The following C5 variants were observed in gnomAD, a reference collection of about 807,000 sequenced individuals.
C5 encodes the protein C3 and PZP-like alpha-2-macroglobulin domain-containing protein 4.
In C5, 140 loss-of-function variants were observed where a neutral mutation model predicts 218.8. The observed-to-expected ratio is 0.64, with a 90% CI of 0.56 to 0.74. The LOEUF is 0.74. Ranked by LOEUF, C5 falls within the 30% of genes least tolerant of loss-of-function variation. The pLI is 0.00. For synonymous variants in C5, 614 were observed against 682.3 expected (o/e 0.90, Z 1.56); for missense variants, 1,700 against 1,969.6 (o/e 0.86, Z 2.59).
At chr9:120,972,521 C>T (rs1455575989) in intron 30 of C5, among the ~76,000 whole-genome samples, 1 of 152,150 alleles carries the variant, frequency 6.6e-6, no homozygotes, top group Non-Finnish European at 1.5e-5. Context: ...CCTTTGTTTG[C>T]AGAAACCCCT....
chr9:121,027,015 C>T (rs1011002938), intron 8 of C5, 145 bp downstream of exon 8: 5 of 669,350 alleles, frequency 7.5e-6, no homozygotes, highest in Non-Finnish European at 1.4e-5. Context: ...GAACTTTACC[C>T]TAAAGGCAAA....
At chr9:120,996,817 C>A (rs2047119899) in intron 21 of C5, among the ~76,000 whole-genome samples, 1 of 152,044 alleles carries the variant, frequency 6.6e-6, no homozygotes, top group Non-Finnish European at 1.5e-5. Flanking sequence ...GAGTGAAGAG[C>A]CAGGAAATCC....
In C5 at chr9:120,953,160, G is replaced by A. The variant is rs41313641; in HGVS notation, c.4902-292C>T. Among the ~76,000 whole-genome samples, 1,358 of 152,258 alleles carry A rather than the reference G, an allele frequency of 8.9e-3. 22 individuals carry two copies. The highest frequency in any genetic ancestry group is 0.031 in the African/African-American group (1,291 of 41,544). ...ACGATGGTCTCGATCTCCTGACCTT[G>A]TGATCTGCCCGTCTTGGCCTCCCAT... On this transcript the variant is annotated intron_variant, in intron 40 of 40. Transcript: ENST00000223642.
chr9:121,035,607 T>C (rs2047517591), intron 4 of C5, among the ~76,000 whole-genome samples: 1 of 152,118 alleles, frequency 6.6e-6, no homozygotes, highest in South Asian at 2.1e-4. Flanking sequence ...TCTTGCTCTG[T>C]GATCCAGGCT....
At chr9:121,018,889 A>T (rs1392327584) in intron 12 of C5, among the ~76,000 whole-genome samples, 1 of 152,154 alleles carries the variant, frequency 6.6e-6, no homozygotes, top group African/African-American at 2.4e-5. Flanking sequence ...TACATCAATA[A>T]GAGGAATATT....
intron 4 of C5, among the ~76,000 whole-genome samples, chr9:121,035,301 C>T (rs2047514822): frequency 6.6e-6 from 1 of 152,172 alleles, no homozygotes; most frequent in Non-Finnish European, 1.5e-5. Flanking sequence ...TCATTTAAAG[C>T]TTTCAAAAGC....
At chr9:120,966,752 G>A (rs1051463155) in intron 33 of C5, among the ~76,000 whole-genome samples, 2 of 152,152 alleles carry the variant, frequency 1.3e-5, no homozygotes, top group African/African-American at 2.4e-5. Context: ...ATGTTTGAGC[G>A]GGAACAGAGA....
At chr9:121,061,735 G>A in the C5 span, among the ~76,000 whole-genome samples, 2 of 152,182 alleles carry the variant, frequency 1.3e-5, no homozygotes, top group Non-Finnish European at 2.9e-5. Context: ...TCACTTGCAT[G>A]TGCAATTGCC....
intron 20 of C5, among the ~76,000 whole-genome samples, chr9:121,005,557 T>A (rs1297372646): frequency 6.6e-6 from 1 of 152,100 alleles, no homozygotes; most frequent in East Asian, 1.9e-4. Flanking sequence ...AAGATGAGTA[T>A]GAATGGCTAA....
At chr9:121,034,407 T>A (rs1368772733) in intron 5 of C5, among the ~76,000 whole-genome samples, 1 of 152,222 alleles carries the variant, frequency 6.6e-6, no homozygotes, top group Non-Finnish European at 1.5e-5. Context: ...TCCTTCCCTC[T>A]TGGACTTTGC....
At chr9:120,964,785 T>C (rs1474202377) in intron 33 of C5, among the ~76,000 whole-genome samples, 1 of 152,234 alleles carries the variant, frequency 6.6e-6, no homozygotes, top group East Asian at 1.9e-4. Context: ...CCACAAATCA[T>C]TTCCCCTTTC....
At chr9:121,030,670 C>T (rs909728044) in intron 6 of C5, among the ~76,000 whole-genome samples, 183 bp from the exon 7 acceptor site, 1 of 152,140 alleles carries the variant, frequency 6.6e-6, no homozygotes, top group African/African-American at 2.4e-5. Flanking sequence ...CAGAACCTTC[C>T]CACTCCAACA....
intron 39 of C5, among the ~76,000 whole-genome samples, chr9:120,956,358 T>C (rs1345559874): frequency 1.3e-5 from 2 of 151,828 alleles, no homozygotes; most frequent in East Asian, 1.9e-4. Context: ...GGAATACAGC[T>C]AACTAGGGAG....
intron 32 of C5, 79 bp from the exon 33 acceptor site, chr9:120,969,197 G>GA: frequency 8.9e-7 from 1 of 1,124,868 alleles, no homozygotes; most frequent in Non-Finnish European, 1.4e-6. Flanking sequence ...TGTCAGAACA[G>GA]AATCATTAAT....
chr9:121,018,733 GAAGGAAGGA>G (rs1486019897), intron 12 of C5, among the ~76,000 whole-genome samples: 5 of 79,634 alleles, frequency 6.3e-5, no homozygotes, highest in Non-Finnish European at 1.1e-4. Context: ...AAGAAGGAAG[GAAGGAAGGA>G]AAGGAAGGAA....
intron 27 of C5, among the ~76,000 whole-genome samples, chr9:120,980,758 A>ATTT (rs41311923): frequency 6.9e-6 from 1 of 145,080 alleles, no homozygotes; most frequent in African/African-American, 2.5e-5. Flanking sequence ...CGCCCGGCTA[A>ATTT]TTTTTTTTTT....
chr9:120,977,874 G>A (rs2046964846), intron 28 of C5, among the ~76,000 whole-genome samples: 1 of 152,076 alleles, frequency 6.6e-6, no homozygotes, highest in Admixed American at 6.5e-5. Context: ...CTTTAGTTCT[G>A]TGTGACTCAA....
At chr9:121,002,794 T>C (rs1278537322) in intron 20 of C5, among the ~76,000 whole-genome samples, 2 of 152,124 alleles carry the variant, frequency 1.3e-5, no homozygotes, top group Non-Finnish European at 2.9e-5. Flanking sequence ...AAAGAAATAA[T>C]GTAAAGGCAA....
At chr9:121,065,311 A>AAT in the C5 span, among the ~76,000 whole-genome samples, 3 of 152,188 alleles carry the variant, frequency 2.0e-5, no homozygotes, top group Admixed American at 6.5e-5. Flanking sequence ...ATCTACAGCC[A>AAT]ATATATTTTT....
Sources: allele counts gnomAD v4.1 joint callset (sites outside exome capture counted in the v4.1 genomes callset), GRCh38; gene constraint gnomAD v4.1.1; transcripts MANE v1.5; gene names NCBI Gene and HGNC (gene_info 2026-07-23, HGNC 2026-07-21).